The following CACNA2D3 variants were observed in gnomAD, a reference collection of about 807,000 sequenced individuals.
CACNA2D3 encodes voltage-dependent calcium channel subunit alpha-2/delta-3.
Under a neutral mutation model 160.6 loss-of-function variants are expected in CACNA2D3, and 60 were observed. The ratio of observed to expected loss-of-function variants is 0.37; its 90% CI spans 0.30 to 0.46. CACNA2D3 has a LOEUF of 0.46. Ranked by LOEUF, CACNA2D3 falls within the 20% of genes least tolerant of loss-of-function variation. The pLI is 1.00. For synonymous variants in CACNA2D3, 558 were observed against 492.9 expected, an observed-to-expected ratio of 1.13 and a Z score of -1.75; for missense variants, 1,205 against 1,365.0, an observed-to-expected ratio of 0.88 and a Z score of 1.85.
rs34992866 is a variant in CACNA2D3, at chr3:54,586,262, C to CAAAAAA, written c.963+4398_963+4403dup. 2.2e-3 allele frequency among the ~76,000 whole-genome samples: 220 copies of CAAAAAA among 101,190 alleles called. 2 individuals carry two copies. Among genetic ancestry groups the CAAAAAA allele is most frequent in the Non-Finnish European group, 2.8e-3 (144 of 51,656 alleles). 66.4% of individuals were successfully genotyped at this position (101,190 alleles called of 152,430 possible). On this transcript the variant is annotated intron_variant, in intron 9 of 37. Transcript: ENST00000474759. ...CTGGGCAATAGAGCGAGATCCATCT[C>CAAAAAA]AAAAAAAAAAAAAAAAAAGAAACTC...
chr3:54,823,624 G>T (rs1575496987), intron 14 of CACNA2D3, among the ~76,000 whole-genome samples: 1 of 151,988 alleles, frequency 6.6e-6, no homozygotes, highest in African/African-American at 2.4e-5. Flanking sequence ...CCAAAAAACA[G>T]AATATTAAGA....
intron 2 of CACNA2D3, among the ~76,000 whole-genome samples, chr3:54,133,644 C>T (rs1395328968): frequency 2.0e-5 from 3 of 152,080 alleles, no homozygotes; most frequent in Non-Finnish European, 4.4e-5. Flanking sequence ...CTGGTGAGCC[C>T]TCTAGCTTTC....
At chr3:54,279,022 G>T (rs951235567) in intron 2 of CACNA2D3, among the ~76,000 whole-genome samples, 1 of 152,174 alleles carries the variant, frequency 6.6e-6, no homozygotes, top group Admixed American at 6.5e-5. Flanking sequence ...CTACAGAGCA[G>T]ACAAGAATCA....
chr3:54,944,069 C>T (rs952543665), intron 27 of CACNA2D3, among the ~76,000 whole-genome samples: 20 of 152,272 alleles, frequency 1.3e-4, no homozygotes, highest in African/African-American at 4.8e-4. Flanking sequence ...GCTCCATTTT[C>T]TTTTGACTTC....
At chr3:54,840,603 G>T (rs1048552557) in intron 16 of CACNA2D3, among the ~76,000 whole-genome samples, 1 of 151,218 alleles carries the variant, frequency 6.6e-6, no homozygotes, top group Admixed American at 6.6e-5. Context: ...TAGAGATGGG[G>T]TTTCACCATG....
At chr3:54,434,118 C>G (rs2106779741) in intron 4 of CACNA2D3, among the ~76,000 whole-genome samples, 1 of 152,306 alleles carries the variant, frequency 6.6e-6, no homozygotes, top group Non-Finnish European at 1.5e-5. Context: ...GGCAGTGCTC[C>G]TGTTCCCCTG....
intron 11 of CACNA2D3, among the ~76,000 whole-genome samples, chr3:54,726,566 A>G (rs1701281304): frequency 6.6e-6 from 1 of 152,216 alleles, no homozygotes; most frequent in Non-Finnish European, 1.5e-5. Context: ...CAAAACAGAG[A>G]TATAGACCAA....
In CACNA2D3 at chr3:54,627,881, G is replaced by T; in HGVS notation, c.1053+5G>T. ...GCCTTCAACATTCTGAGTGATGTAA[G>T]TTCCTCTTTGATTTGCCTTTCTCAT... On this transcript the variant is annotated splice_donor_5th_base_variant and intron_variant, in intron 10 of 37. Transcript: ENST00000474759. 1 of 1,572,530 alleles carries T rather than the reference G, an allele frequency of 6.4e-7. No homozygotes were observed. Among genetic ancestry groups the T allele is most frequent in the Non-Finnish European group, 8.7e-7 (1 of 1,148,762 alleles).
chr3:54,786,986 T>A (rs893590397), intron 13 of CACNA2D3, among the ~76,000 whole-genome samples: 2 of 152,246 alleles, frequency 1.3e-5, no homozygotes, highest in African/African-American at 2.4e-5. Flanking sequence ...TGGAAGCCAT[T>A]GTTATTTGAA....
intron 11 of CACNA2D3, among the ~76,000 whole-genome samples, chr3:54,674,431 G>T (rs904029569): frequency 1.8e-4 from 27 of 152,156 alleles, no homozygotes; most frequent in African/African-American, 6.3e-4. Flanking sequence ...TGCCTTAGGA[G>T]AGTTGGGAAG....
intron 2 of CACNA2D3, among the ~76,000 whole-genome samples, chr3:54,270,718 T>C (rs1407877849): frequency 3.3e-5 from 5 of 152,212 alleles, no homozygotes; most frequent in Non-Finnish European, 5.9e-5. Context: ...TACTCTTCCA[T>C]GTTCGTTCAA....
chr3:54,171,526 A>G (rs975674085), intron 2 of CACNA2D3, among the ~76,000 whole-genome samples: 6 of 152,190 alleles, frequency 3.9e-5, no homozygotes, highest in African/African-American at 9.7e-5. Flanking sequence ...TCTATTGGAA[A>G]AAATTATAAT....
At chr3:54,446,850 C>T (rs918602345) in intron 4 of CACNA2D3, among the ~76,000 whole-genome samples, 3 of 152,124 alleles carry the variant, frequency 2.0e-5, no homozygotes, top group Non-Finnish European at 4.4e-5. Flanking sequence ...ACCTCTGACT[C>T]TCCTGGAATT....
intron 3 of CACNA2D3, among the ~76,000 whole-genome samples, chr3:54,327,246 C>A (rs1314069469): frequency 6.6e-6 from 1 of 152,230 alleles, no homozygotes; most frequent in East Asian, 1.9e-4. Flanking sequence ...TGAGAGGGAA[C>A]AACTTGTCCA....
chr3:54,216,532 C>T (rs751753725), intron 2 of CACNA2D3, among the ~76,000 whole-genome samples: 9 of 152,082 alleles, frequency 5.9e-5, no homozygotes, highest in Non-Finnish European at 1.0e-4. Context: ...AAGTGCGAGG[C>T]CTATAGTGGA....
chr3:54,285,037 C>G (rs1001737044), intron 2 of CACNA2D3, among the ~76,000 whole-genome samples: 1 of 152,196 alleles, frequency 6.6e-6, no homozygotes, highest in South Asian at 2.1e-4. Flanking sequence ...GCATTTCCAT[C>G]TGAGGTACCG....
Position 54,817,010 on chromosome 3 carries a change from G to C in CACNA2D3, c.1398+140G>C. On this transcript the variant is annotated intron_variant, in intron 14 of 37. Coordinates refer to ENST00000474759, the MANE Select transcript of CACNA2D3 (RefSeq NM_018398.3). ...GCTTCAGAAACCTGAAGTTGGGCAG[G>C]AACAGAGAGGCCAGCAGACTCAGTT... The C allele has an allele frequency of 5.2e-6, 5 of 966,062 alleles. No homozygotes were observed. In the South Asian group the frequency reaches 7.9e-5, roughly 15 times the overall value. The allele number at this position is 966,062 out of a possible 1,614,324, so 59.8% of individuals were successfully genotyped here. A position where few individuals can be genotyped will look rare whatever the true frequency, so the allele number is the denominator to read the frequency against.
chr3:54,207,778 G>A (rs1042622203), intron 2 of CACNA2D3, among the ~76,000 whole-genome samples: 3 of 152,052 alleles, frequency 2.0e-5, no homozygotes, highest in African/African-American at 7.2e-5. Context: ...TCTCTTCTCT[G>A]TGTCACTTCA....
intron 11 of CACNA2D3, among the ~76,000 whole-genome samples, chr3:54,679,163 T>C (rs915851085): frequency 2.0e-5 from 3 of 152,188 alleles, no homozygotes; most frequent in African/African-American, 7.2e-5. Context: ...TCCTTTTCCT[T>C]AGCCTCCTTA....
Sources: allele counts gnomAD v4.1 joint callset (sites outside exome capture counted in the v4.1 genomes callset), GRCh38; gene constraint gnomAD v4.1.1; transcripts MANE v1.5; gene names NCBI Gene and HGNC (gene_info 2026-07-23, HGNC 2026-07-21).